Variants in SHPK observed in about 807,000 individuals in gnomAD.
SHPK encodes the protein sedoheptulokinase, also known as carbohydrate kinase-like protein.
In SHPK, 51 loss-of-function variants were observed where a neutral mutation model predicts 46.3. The ratio of observed to expected loss-of-function variants is 1.10; its 90% CI spans 0.88 to 1.39. The LOEUF (loss-of-function observed/expected upper bound fraction) is 1.39. Among genes scored for constraint, SHPK ranks in the 40% most tolerant of loss-of-function variants. The pLI, the probability that SHPK is intolerant of heterozygous loss-of-function variation, is 0.00. For synonymous variants in SHPK, 290 were observed against 273.9 expected (o/e 1.06, Z -0.58); for missense variants, 668 against 641.3 (o/e 1.04, Z -0.45).
chr17:3,635,942 G>A (rs1431099977), intron 1 of SHPK, 110 bp downstream of exon 1: 8 of 1,117,900 alleles, frequency 7.2e-6, no homozygotes, highest in Non-Finnish European at 9.8e-6. Flanking sequence ...CTGGGGACAA[G>A]CTGGAATAGA....
intron 1 of SHPK, among the ~76,000 whole-genome samples, chr17:3,635,108 G>A (rs1361988810): frequency 1.3e-5 from 2 of 151,666 alleles, no homozygotes; most frequent in Non-Finnish European, 2.9e-5. Flanking sequence ...GTTGGCGGAG[G>A]TTGCAGTGAG....
At chr17:3,622,674 T>A in intron 4 of SHPK, 1 of 672,486 alleles carries the variant, frequency 1.5e-6, no homozygotes, top group Non-Finnish European at 1.8e-6. Flanking sequence ...TTAAAAGGCA[T>A]CCTTCAAGCC....
chr17:3,626,028 G>A (rs528173583), intron 2 of SHPK, among the ~76,000 whole-genome samples: 1 of 150,822 alleles, frequency 6.6e-6, no homozygotes, highest in Non-Finnish European at 1.5e-5. Flanking sequence ...ACTCCAGCCT[G>A]GGCAACAGAG....
In SHPK at chr17:3,610,727, C is replaced by T. The variant is rs755670371; in HGVS notation, c.1270G>A (p.Val424Met). 37 of 1,614,012 alleles carry T rather than the reference C, an allele frequency of 2.3e-5. No homozygotes were observed. In the African/African-American group the frequency reaches 3.5e-4, roughly 15 times the overall value. Residue 424 changes from valine (V) to methionine (M), a missense_variant, in exon 7 of 7, where the codon GTG becomes ATG. Val to Met is a conservative substitution (Grantham distance 21). Coordinates refer to ENST00000225519, the MANE Select transcript of SHPK (RefSeq NM_013276.4). ...LPIQQLQEWG[V>M]ERVMGSGSAL... ...CTCCCACTGCCCATCACCCTCTCCA[C>T]GCCCCACTCCTGGAGCTGCTGAATC...
chr17:3,632,726 C>T (rs1445588050), intron 1 of SHPK, among the ~76,000 whole-genome samples: 1 of 152,050 alleles, frequency 6.6e-6, no homozygotes, highest in Non-Finnish European at 1.5e-5. Context: ...GCACACAGTA[C>T]TTAGAAGCTC....
intron 6 of SHPK, 27 bp downstream of exon 6, chr17:3,615,310 C>CA (rs2075365595): frequency 1.2e-6 from 2 of 1,610,078 alleles, no homozygotes; most frequent in African/African-American, 2.7e-5. Flanking sequence ...AGGCAGAGAA[C>CA]ACAGCGCTGT....
intron 5 of SHPK, among the ~76,000 whole-genome samples, chr17:3,620,801 C>T (rs1463973749): frequency 1.3e-5 from 2 of 152,000 alleles, no homozygotes; most frequent in Non-Finnish European, 2.9e-5. Flanking sequence ...CCTCGTGATC[C>T]GCCTGCCTCG....
intron 1 of SHPK, among the ~76,000 whole-genome samples, chr17:3,635,688 A>T (rs1241686559): frequency 2.0e-5 from 3 of 152,160 alleles, no homozygotes; most frequent in Non-Finnish European, 4.4e-5. Context: ...AGGTGTGAGG[A>T]GCGGAGAGCA....
chr17:3,634,470 A>T (rs1170715631), intron 1 of SHPK, among the ~76,000 whole-genome samples: 2 of 151,086 alleles, frequency 1.3e-5, no homozygotes, highest in Non-Finnish European at 3.0e-5. Context: ...TACTCGGGAA[A>T]CTGAGGCACG....
At chr17:3,618,461 T>C (rs1009882139) in intron 5 of SHPK, among the ~76,000 whole-genome samples, 3 of 152,166 alleles carry the variant, frequency 2.0e-5, no homozygotes, top group African/African-American at 2.4e-5. Flanking sequence ...AATCCTTTTT[T>C]AGCTATGTGT....
At position 3,625,516 on chromosome 17, in the gene SHPK, G is replaced by C. The variant is rs569454568; in HGVS notation, c.311-1285C>G. ...AGAGCAGCCGGCAGACCGTTTCCAG[G>C]TGAGCCCAGCCTCCAGCCTTCCCAC... is the stretch of plus-strand genomic sequence containing the variant. On this transcript the variant is annotated intron_variant, in intron 2 of 6. Transcript: ENST00000225519. Among the ~76,000 whole-genome samples, 370 of 152,232 alleles carry C rather than the reference G, an allele frequency of 2.4e-3. 1 individual carries two copies. The highest frequency in any genetic ancestry group is 4.3e-3 in the Non-Finnish European group (291 of 68,004).
intron 3 of SHPK, 115 bp from the exon 4 acceptor site, chr17:3,623,606 C>T: frequency 9.8e-7 from 1 of 1,019,872 alleles, no homozygotes; most frequent in Non-Finnish European, 1.5e-6. Context: ...GCAGCCACAA[C>T]CGCATATACT....
intron 5 of SHPK, among the ~76,000 whole-genome samples, chr17:3,616,238 T>A (rs1306426911): frequency 6.6e-6 from 1 of 152,010 alleles, no homozygotes; most frequent in Non-Finnish European, 1.5e-5. Context: ...GTGAACAAAA[T>A]AAAGCACAAG....
chr17:3,624,209 C>A lies in SHPK; in HGVS notation c.333G>T (p.Gly111=). ...CTCGGGGCTCGAACACCGGGGTAAT[C>A]CCTCCCTCTGTCCATTCACAGCCTG... ...TGQGCEWTEG[G]ITPVFEPRAV... Residue 111 remains glycine, a synonymous_variant, in exon 3 of 7, where the codon GGG becomes GGT. Transcript: ENST00000225519. 6.2e-7 allele frequency: 1 copy of A among 1,612,952 alleles called. No homozygotes were observed. Among genetic ancestry groups the A allele is most frequent in the Non-Finnish European group, 8.5e-7 (1 of 1,179,104 alleles).
chr17:3,630,704 A>G (rs1567686924), intron 1 of SHPK, among the ~76,000 whole-genome samples: 1 of 152,206 alleles, frequency 6.6e-6, no homozygotes, highest in Non-Finnish European at 1.5e-5. Context: ...CTCTACTAAA[A>G]ATACAAAAAA....
In SHPK at chr17:3,610,757, G is replaced by C; in HGVS notation, c.1240C>G (p.Leu414Val). 6.2e-7 allele frequency: 1 copy of C among 1,614,116 alleles called. No homozygotes were observed. Among genetic ancestry groups the C allele is most frequent in the Non-Finnish European group, 8.5e-7 (1 of 1,179,988 alleles). ...CACTCCTGGAGCTGCTGAATCGGAA[G>C]CATGGAGTGCAGGTTCTGAACAATG... is the stretch of plus-strand genomic sequence containing the variant. ...RGIVQNLHSM[L>V]PIQQLQEWGV... Residue 414 changes from leucine (L) to valine (V), a missense_variant, in exon 7 of 7, where the codon CTT becomes GTT. Physicochemically the swap from Leu to Val is conservative, Grantham distance 32 (BLOSUM62 1). Coordinates refer to ENST00000225519, the MANE Select transcript of SHPK (RefSeq NM_013276.4).
In SHPK at chr17:3,610,637, A is replaced by G. The variant is rs769467522; in HGVS notation, c.1360T>C (p.Phe454Leu). 6.2e-7 allele frequency: 1 copy of G among 1,613,860 alleles called. No homozygotes were observed. Among genetic ancestry groups the G allele is most frequent in the Admixed American group, 1.7e-5 (1 of 60,012 alleles). The change falls in exon 7 of 7, where the codon TTT becomes CTT. Residue 454 changes from phenylalanine to leucine, a missense_variant. By Grantham distance (22) the Phe-to-Leu change is conservative. Coordinates refer to ENST00000225519, the MANE Select transcript of SHPK (RefSeq NM_013276.4). ...ACAGCTGCATCCACATCCTGCCCAAAGGACATGGGCAAAGGGAAAGCCCTC... is the reference window on the plus strand; with the variant it reads ...ACAGCTGCATCCACATCCTGCCCAAGGGACATGGGCAAAGGGAAAGCCCTC... ...VQRAFPLPMSFGQDVDAAVGA... is the reference protein window; with the variant it reads ...VQRAFPLPMSLGQDVDAAVGA...
chr17:3,623,308 G>A (rs762128772), intron 4 of SHPK, 31 bp downstream of exon 4: 2 of 1,612,816 alleles, frequency 1.2e-6, no homozygotes, highest in Admixed American at 1.7e-5. Flanking sequence ...ATTGGAGCAG[G>A]AGGAACAGCC....
At chr17:3,631,824 G>A (rs1424089885) in intron 1 of SHPK, among the ~76,000 whole-genome samples, 56 of 150,996 alleles carry the variant, frequency 3.7e-4, no homozygotes, top group Non-Finnish European at 3.7e-4. Flanking sequence ...ACCCAGCCTT[G>A]ATTATCACAC....
Sources: gnomAD v4.1 joint callset for allele counts (sites outside exome capture counted in the v4.1 genomes callset) on GRCh38, gnomAD v4.1.1 for gene constraint, MANE v1.5 for transcripts, NCBI Gene and HGNC (gene_info 2026-07-23, HGNC 2026-07-21) for gene names.